Variants in GATM observed in about 807,000 individuals in gnomAD.
The protein encoded by GATM is glycine amidinotransferase, also known as glycine amidinotransferase, mitochondrial.
In GATM, 23 loss-of-function variants were observed where a neutral mutation model predicts 54.2. That is an observed-to-expected ratio of 0.42 (90% CI 0.31 to 0.60). The LOEUF (loss-of-function observed/expected upper bound fraction) is 0.60, where lower values mean the gene tolerates loss of function less well. Ranked by LOEUF, GATM falls within the 20% of genes least tolerant of loss-of-function variation. GATM has a pLI of 0.14. For synonymous variants in GATM, 168 were observed against 183.1 expected, an observed-to-expected ratio of 0.92 and a Z score of 0.67; for missense variants, 401 against 544.9, an observed-to-expected ratio of 0.74 and a Z score of 2.63.
intron 3 of GATM, among the ~76,000 whole-genome samples, chr15:45,392,664 A>G (rs1290198302): frequency 6.6e-6 from 1 of 152,240 alleles, no homozygotes; most frequent in Non-Finnish European, 1.5e-5. Flanking sequence ...TTGTTTCCCA[A>G]GATGATCTCA....
chr15:45,387,560 G>A (rs1889817495), intron 3 of GATM, among the ~76,000 whole-genome samples: 1 of 152,056 alleles, frequency 6.6e-6, no homozygotes. Context: ...CTTATACATG[G>A]CTGTAACAGC....
Position 45,371,465 on chromosome 15 carries a change from A to C in GATM, c.289-1944T>G, listed in dbSNP as rs1889543205. On this transcript the variant is annotated intron_variant, in intron 2 of 8. Transcript: ENST00000396659. ...GACAGTCTCCACCATAAATCAGATA[A>C]TTTCAGATAGCAATAAGTACTAGAA... Among the ~76,000 whole-genome samples the C allele has an allele frequency of 2.0e-5, 3 of 152,346 alleles. No individual in the cohort carries two copies. The South Asian group carries it at 6.2e-4, about 32-fold the overall frequency.
intron 1 of GATM, among the ~76,000 whole-genome samples, chr15:45,401,070 T>C (rs1233182511): frequency 6.6e-6 from 1 of 151,964 alleles, no homozygotes; most frequent in African/African-American, 2.4e-5. Context: ...CAGGAAGTAA[T>C]GGGTGACTTA....
At chr15:45,363,220 C>T (rs898378606) in intron 8 of GATM, among the ~76,000 whole-genome samples, 49 of 152,112 alleles carry the variant, frequency 3.2e-4, no homozygotes, top group Middle Eastern at 3.4e-3. Flanking sequence ...TGCAGTGAGC[C>T]GAGGTCACGC....
chr15:45,373,805 T>C (rs1294278114), intron 2 of GATM, among the ~76,000 whole-genome samples: 2 of 152,198 alleles, frequency 1.3e-5, no homozygotes, highest in Non-Finnish European at 2.9e-5. Context: ...ATTTACTTTC[T>C]TCTCCCTCAA....
intron 8 of GATM, among the ~76,000 whole-genome samples, chr15:45,363,455 G>A: frequency 6.6e-6 from 1 of 152,018 alleles, no homozygotes; most frequent in Non-Finnish European, 1.5e-5. Context: ...CTTGCATTTC[G>A]CTACTTTGTT....
intron 8 of GATM, among the ~76,000 whole-genome samples, 185 bp from the exon 9 acceptor site, chr15:45,362,406 C>T (rs956580937): frequency 1.3e-5 from 2 of 152,168 alleles, no homozygotes; most frequent in Non-Finnish European, 2.9e-5. Context: ...ATAAAATCTT[C>T]TCCAAAAAGT....
At chr15:45,387,116 G>A (rs1229985593) in intron 3 of GATM, among the ~76,000 whole-genome samples, 2 of 152,220 alleles carry the variant, frequency 1.3e-5, no homozygotes, top group Non-Finnish European at 2.9e-5. Flanking sequence ...AGGTTTTTAT[G>A]AAGGCTTGAT....
chr15:45,377,434 A>G (rs1877857369), intron 1 of GATM: 1 of 374,658 alleles, frequency 2.7e-6, no homozygotes, highest in Non-Finnish European at 5.1e-6. Context: ...GCTCCATTTT[A>G]CAGATGGTCC....
chr15:45,388,507 C>G (rs1171251436), intron 3 of GATM, among the ~76,000 whole-genome samples: 1 of 152,166 alleles, frequency 6.6e-6, no homozygotes, highest in Non-Finnish European at 1.5e-5. Flanking sequence ...GGATACCACA[C>G]TATATTTCGT....
chr15:45,384,984 AGGTG>A (rs1433859256), intron 3 of GATM, among the ~76,000 whole-genome samples: 1 of 152,184 alleles, frequency 6.6e-6, no homozygotes. Context: ...ATGAGATTAC[AGGTG>A]TGAGCCAACC....
intron 1 of GATM, chr15:45,377,494 A>T (rs1889659388): frequency 3.0e-6 from 1 of 336,168 alleles, no homozygotes; most frequent in Non-Finnish European, 5.8e-6. Context: ...ATTCAAACAA[A>T]TAAGAAGGAG....
chr15:45,399,118 A>G (rs1262305671), intron 2 of GATM, among the ~76,000 whole-genome samples: 2 of 152,224 alleles, frequency 1.3e-5, no homozygotes, highest in Non-Finnish European at 2.9e-5. Flanking sequence ...TGGCAAAGCT[A>G]TTTGAAACAA....
intron 3 of GATM, among the ~76,000 whole-genome samples, chr15:45,389,353 A>G (rs1889841937): frequency 6.6e-6 from 1 of 152,238 alleles, no homozygotes; most frequent in Non-Finnish European, 1.5e-5. Context: ...GTTTCTTCCA[A>G]TCCAAGTTTC....
rs768300306 is a variant in GATM, at chr15:45,369,523, T to C, written c.289-2A>G. 1 of 1,613,572 alleles carries C rather than the reference T, an allele frequency of 6.2e-7. No individual in the cohort carries two copies. Among genetic ancestry groups the C allele is most frequent in the Non-Finnish European group, 8.5e-7 (1 of 1,179,574 alleles). ...CCAGTACTTTTCATATGTGTTGGCC[T>C]GGAAGTAGAAGCAAATAAACACAAT... On this transcript the variant is annotated splice_acceptor_variant, in intron 2 of 8. Coordinates refer to ENST00000396659, the MANE Select transcript of GATM (RefSeq NM_001482.3). LOFTEE classifies it high-confidence loss of function.
intron 2 of GATM, among the ~76,000 whole-genome samples, chr15:45,370,930 C>T (rs1389051590): frequency 2.0e-5 from 3 of 152,232 alleles, no homozygotes; most frequent in Admixed American, 6.5e-5. Context: ...CATGCCACCA[C>T]GCCCGGCTAA....
upstream of GATM, among the ~76,000 whole-genome samples, chr15:45,381,252 T>C (rs940166054): frequency 6.6e-6 from 1 of 152,160 alleles, no homozygotes; most frequent in African/African-American, 2.4e-5. Context: ...CTAGTCGTTA[T>C]GCATATTCAA....
intron 2 of GATM, 58 bp from the exon 3 acceptor site, chr15:45,369,579 G>A: frequency 1.4e-6 from 2 of 1,466,312 alleles, no homozygotes; most frequent in Admixed American, 1.8e-5. Flanking sequence ...GCTCATGATA[G>A]GTTCATAGGC....
chr15:45,364,040 A>T, intron 7 of GATM, 24 bp from the exon 8 acceptor site: 1 of 1,308,674 alleles, frequency 7.6e-7, no homozygotes, highest in Non-Finnish European at 1.1e-6. Context: ...CAACTGTTAA[A>T]CCATGTCCGC....
Sources: gnomAD v4.1 joint callset for allele counts (sites outside exome capture counted in the v4.1 genomes callset) on GRCh38, gnomAD v4.1.1 for gene constraint, MANE v1.5 for transcripts, NCBI Gene and HGNC (gene_info 2026-07-23, HGNC 2026-07-21) for gene names.